The following FSIP1 variants were observed in gnomAD, a reference collection of about 807,000 sequenced individuals.
FSIP1 encodes the protein fibrous sheath interacting protein 1.
In FSIP1, 65 loss-of-function variants were observed where a neutral mutation model predicts 60.9. The ratio of observed to expected loss-of-function variants is 1.07; its 90% CI spans 0.87 to 1.31. The LOEUF (loss-of-function observed/expected upper bound fraction) is 1.31. Among genes scored for constraint, FSIP1 ranks in the 40% most tolerant of loss-of-function variants. The pLI is 0.00. For missense variants in FSIP1, 675 were observed against 665.5 expected, an observed-to-expected ratio of 1.01 and a Z score of -0.16; for synonymous variants, 209 against 221.2, an observed-to-expected ratio of 0.94 and a Z score of 0.49.
intron 10 of FSIP1, among the ~76,000 whole-genome samples, chr15:39,621,961 AT>A (rs1317939042): frequency 5.3e-5 from 8 of 152,298 alleles, no homozygotes; most frequent in Non-Finnish European, 5.9e-5. Flanking sequence ...TGCTTAAACC[AT>A]TTTTTAAGGC....
At chr15:39,636,938 G>A (rs1016863900) in intron 10 of FSIP1, among the ~76,000 whole-genome samples, 4 of 152,120 alleles carry the variant, frequency 2.6e-5, no homozygotes, top group African/African-American at 4.8e-5. Flanking sequence ...GTCTGCCACC[G>A]TTACATGCAG....
intron 10 of FSIP1, among the ~76,000 whole-genome samples, chr15:39,663,805 A>G (rs1212962592): frequency 1.3e-5 from 2 of 152,204 alleles, no homozygotes; most frequent in African/African-American, 4.8e-5. Flanking sequence ...GGTTTTTAAA[A>G]TGTTTCTTAC....
At chr15:39,627,552 A>G (rs1595546855) in intron 10 of FSIP1, among the ~76,000 whole-genome samples, 1 of 152,210 alleles carries the variant, frequency 6.6e-6, no homozygotes, top group African/African-American at 2.4e-5. Context: ...CCTGAAGTGC[A>G]GTCACCCACA....
Position 39,776,518 on chromosome 15 carries a change from T to C in FSIP1, c.7A>G (p.Ile3Val), listed in dbSNP as rs780276026. Residue 3 changes from isoleucine to valine, a missense_variant, in exon 2 of 12, where the codon ATT becomes GTT. Coordinates refer to ENST00000350221, the MANE Select transcript of FSIP1 (RefSeq NM_152597.5). ...ATTCCATCTAGGTTTCCCTTTATAA[T>C]ATCCATTGAAATCCTGAAACAACAA... Reference protein sequence around the residue: MDIIKGNLDGISK... With the variant: MDVIKGNLDGISK... 2.5e-6 allele frequency: 4 copies of C among 1,605,714 alleles called. No homozygotes were observed. The highest frequency in any genetic ancestry group is 2.2e-5 in the East Asian group (1 of 44,798).
intron 10 of FSIP1, among the ~76,000 whole-genome samples, chr15:39,669,568 C>T (rs1247521656): frequency 6.6e-6 from 1 of 152,194 alleles, no homozygotes; most frequent in Admixed American, 6.5e-5. Context: ...ATCTTTATTT[C>T]ATATTTTAAA....
chr15:39,649,272 C>T (rs1467317965), intron 10 of FSIP1, among the ~76,000 whole-genome samples: 1 of 152,184 alleles, frequency 6.6e-6, no homozygotes, highest in Non-Finnish European at 1.5e-5. Context: ...TCCAGGAACT[C>T]TAGCTGGTAA....
In FSIP1 at chr15:39,776,505, T is replaced by C; in HGVS notation, c.20A>G (p.Asn7Ser). The change falls in exon 2 of 12, where the codon AAC (asparagine) becomes AGC (serine). Residue 7 changes from asparagine to serine, a missense_variant. Transcript: ENST00000350221. MDIIKG[N>S]LDGISKPASN... ...AGCTGGTTTTGAAATTCCATCTAGG[T>C]TTCCCTTTATAATATCCATTGAAAT... The C allele has an allele frequency of 6.2e-7, 1 of 1,611,564 alleles. No individual in the cohort carries two copies. The highest frequency in any genetic ancestry group is 8.5e-7 in the Non-Finnish European group (1 of 1,178,086).
intron 8 of FSIP1, among the ~76,000 whole-genome samples, chr15:39,729,990 T>A (rs1166502596): frequency 6.6e-6 from 1 of 152,068 alleles, no homozygotes; most frequent in Non-Finnish European, 1.5e-5. Context: ...CCCTGTGACA[T>A]CCAATTTATC....
At chr15:39,709,796 A>T (rs1895423225) in intron 10 of FSIP1, among the ~76,000 whole-genome samples, 1 of 152,154 alleles carries the variant, frequency 6.6e-6, no homozygotes, top group Non-Finnish European at 1.5e-5. Context: ...TCCTATGAGA[A>T]TCTAATGCCA....
chr15:39,634,187 A>G (rs1054727125), intron 10 of FSIP1, among the ~76,000 whole-genome samples: 4 of 152,148 alleles, frequency 2.6e-5, no homozygotes, highest in South Asian at 2.1e-4. Flanking sequence ...GATTTTTCCC[A>G]TGAGTATACA....
intron 8 of FSIP1, among the ~76,000 whole-genome samples, chr15:39,736,643 G>A (rs375284758): frequency 3.9e-5 from 6 of 152,202 alleles, no homozygotes; most frequent in Non-Finnish European, 7.3e-5. Flanking sequence ...CACTGCACAT[G>A]CACTGCTTTT....
chr15:39,679,916 C>T (rs992420477), intron 10 of FSIP1, among the ~76,000 whole-genome samples: 3 of 152,142 alleles, frequency 2.0e-5, no homozygotes, highest in Admixed American at 2.0e-4. Context: ...AAACCTTCAG[C>T]TTTTTCAGGC....
At chr15:39,752,652 A>G (rs954700483) in intron 5 of FSIP1, among the ~76,000 whole-genome samples, 5 of 152,048 alleles carry the variant, frequency 3.3e-5, no homozygotes, top group Admixed American at 3.3e-4. Context: ...GTCATTAAAA[A>G]TAAAAAAAGT....
chr15:39,781,697 T>A (rs1898270204), intron 1 of FSIP1, among the ~76,000 whole-genome samples: 1 of 152,204 alleles, frequency 6.6e-6, no homozygotes, highest in Non-Finnish European at 1.5e-5. Context: ...GATGCTAAGC[T>A]GAAAGAAGCC....
At chr15:39,659,467 A>C (rs1056442842) in intron 10 of FSIP1, among the ~76,000 whole-genome samples, 1 of 151,362 alleles carries the variant, frequency 6.6e-6, no homozygotes, top group African/African-American at 2.4e-5. Context: ...GCGTGAACCC[A>C]GGAGGCGGAG....
At chr15:39,780,513 C>G (rs1217343977) in intron 1 of FSIP1, among the ~76,000 whole-genome samples, 1 of 151,996 alleles carries the variant, frequency 6.6e-6, no homozygotes, top group East Asian at 1.9e-4. Flanking sequence ...GAGCGAGACT[C>G]CGTGTCAAAA....
At chr15:39,677,643 C>A (rs1893994410) in intron 10 of FSIP1, among the ~76,000 whole-genome samples, 1 of 152,094 alleles carries the variant, frequency 6.6e-6, no homozygotes, top group African/African-American at 2.4e-5. Context: ...AGCACAAAAT[C>A]TAAATGTTCA....
intron 10 of FSIP1, among the ~76,000 whole-genome samples, chr15:39,701,048 GGGCTGA>G (rs1361151782): frequency 6.6e-6 from 1 of 152,102 alleles, no homozygotes; most frequent in Non-Finnish European, 1.5e-5. Context: ...GCTATTTGGG[GGGCTGA>G]GGTGGAAGGA....
intron 10 of FSIP1, among the ~76,000 whole-genome samples, chr15:39,647,645 T>C (rs1177908960): frequency 6.6e-6 from 1 of 151,740 alleles, no homozygotes; most frequent in South Asian, 2.1e-4. Context: ...TCTCAGGACA[T>C]AGGAAAAAAA....
Sources: gnomAD v4.1 joint callset for allele counts (sites outside exome capture counted in the v4.1 genomes callset) on GRCh38, gnomAD v4.1.1 for gene constraint, MANE v1.5 for transcripts, NCBI Gene and HGNC (gene_info 2026-07-23, HGNC 2026-07-21) for gene names.